Variants in LRRCC1 observed in about 807,000 individuals in gnomAD.
The protein encoded by LRRCC1 is leucine-rich repeat and coiled-coil domain-containing protein 1.
In LRRCC1, 115 loss-of-function variants were observed where a neutral mutation model predicts 126.0. That is an observed-to-expected ratio of 0.91 (90% confidence interval 0.78 to 1.07). The LOEUF is 1.07. Among genes scored for constraint, LRRCC1 ranks in the 50% least tolerant of loss-of-function variants. LRRCC1 has a pLI of 0.00. For missense variants in LRRCC1, 1,172 were observed against 1,175.7 expected (o/e 1.00, Z 0.05); for synonymous variants, 400 against 393.4 (o/e 1.02, Z -0.20).
chr8:85,112,892 C>A (rs1330372766), intron 3 of LRRCC1, 40 bp from the exon 4 acceptor site: 2 of 1,438,640 alleles, frequency 1.4e-6, no homozygotes, highest in Non-Finnish European at 9.4e-7. Context: ...ATTGGAAAGA[C>A]TATTGCTGTG....
At chr8:85,110,528 T>G (rs1489469345) in intron 3 of LRRCC1, among the ~76,000 whole-genome samples, 1 of 152,262 alleles carries the variant, frequency 6.6e-6, no homozygotes, top group African/African-American at 2.4e-5. Context: ...TGTTCTAATC[T>G]GTGCTGTTCA....
At chr8:85,145,126 T>TATATAC (rs746885117) in intron 18 of LRRCC1, among the ~76,000 whole-genome samples, 1 of 149,764 alleles carries the variant, frequency 6.7e-6, no homozygotes, top group Admixed American at 6.7e-5. Flanking sequence ...TGTATATATA[T>TATATAC]ATATATATAG....
At position 85,135,437 on chromosome 8, in the gene LRRCC1, G is replaced by A. The variant is rs534326283; in HGVS notation, c.2155-352G>A. Among the ~76,000 whole-genome samples the A allele has an allele frequency of 2.6e-5, 4 of 152,184 alleles. No homozygotes were observed. In the East Asian group the frequency reaches 7.7e-4, roughly 29 times the overall value. On this transcript the variant is annotated intron_variant, in intron 13 of 18. Coordinates refer to ENST00000360375, the MANE Select transcript of LRRCC1 (RefSeq NM_033402.5). The stretch of plus-strand genomic sequence containing the variant: ...TCATTAAATTAATGTCTTTATTGCT[G>A]TTGTCTCAATTTTAAACATTAATGC...
chr8:85,126,581 G>A, intron 8 of LRRCC1, 108 bp from the exon 9 acceptor site: 1 of 888,956 alleles, frequency 1.1e-6, no homozygotes, highest in Non-Finnish European at 1.7e-6. Context: ...TTTCACTGTA[G>A]CTCTTTGAAG....
chr8:85,112,406 C>G (rs1228487238), intron 3 of LRRCC1, among the ~76,000 whole-genome samples: 1 of 152,186 alleles, frequency 6.6e-6, no homozygotes. Flanking sequence ...ACAATTAGTA[C>G]TTGTCCATGA....
In LRRCC1 at chr8:85,126,795, A is replaced by T; in HGVS notation, c.1379A>T (p.Glu460Val). Residue 460 changes from glutamate to valine, a missense_variant, in exon 9 of 19, where the codon GAA (glutamate) becomes GTA (valine). Coordinates refer to ENST00000360375, the MANE Select transcript of LRRCC1 (RefSeq NM_033402.5). ...YIDELHKHAN[E>V]KEDIHSLALL... ...GATGAGCTGCATAAACATGCAAATG[A>T]AAAAGAGGATATTCATAGTCTGGCT... is the stretch of plus-strand genomic sequence containing the variant. The T allele has an allele frequency of 1.2e-6, 2 of 1,612,810 alleles. No homozygotes were observed. The highest frequency in any genetic ancestry group is 1.7e-6 in the Non-Finnish European group (2 of 1,179,828).
chr8:85,136,570 C>T (rs978561075), intron 14 of LRRCC1, among the ~76,000 whole-genome samples: 5 of 152,202 alleles, frequency 3.3e-5, no homozygotes, highest in South Asian at 2.1e-4. Context: ...CCACCGTACC[C>T]GGCCAAAAGT....
chr8:85,125,198 T>A (rs1163216301), intron 8 of LRRCC1, among the ~76,000 whole-genome samples: 1 of 152,232 alleles, frequency 6.6e-6, no homozygotes, highest in Non-Finnish European at 1.5e-5. Flanking sequence ...ATGAATTTTT[T>A]AATTCTTATT....
intron 9 of LRRCC1, among the ~76,000 whole-genome samples, chr8:85,127,692 G>A (rs1373998982): frequency 6.6e-6 from 1 of 152,142 alleles, no homozygotes; most frequent in African/African-American, 2.4e-5. Flanking sequence ...CCCACTGCAT[G>A]TTTCTCTGAT....
At chr8:85,109,445 G>A (rs1587359654) in intron 1 of LRRCC1, 150 bp from the exon 2 acceptor site, 2 of 584,710 alleles carry the variant, frequency 3.4e-6, no homozygotes, top group African/African-American at 1.9e-5. Flanking sequence ...ACCGTGTTTT[G>A]TGAGACATTT....
chr8:85,136,940 T>C (rs1444873090), intron 14 of LRRCC1, among the ~76,000 whole-genome samples: 1 of 152,150 alleles, frequency 6.6e-6, no homozygotes, highest in African/African-American at 2.4e-5. Context: ...TTCTCCTGCC[T>C]CATCCTCCCC....
At chr8:85,134,179 C>T (rs1166519851) in intron 12 of LRRCC1, among the ~76,000 whole-genome samples, 1 of 152,220 alleles carries the variant, frequency 6.6e-6, no homozygotes, top group Non-Finnish European at 1.5e-5. Flanking sequence ...ACTTCACACA[C>T]TTCACATCCT....
Position 85,113,065 on chromosome 8 carries a change from A to G in LRRCC1, c.510A>G (p.Lys170=), listed in dbSNP as rs1371331579. Residue 170 remains lysine, a synonymous_variant, in exon 4 of 19, where the codon AAA becomes AAG. Coordinates refer to ENST00000360375, the MANE Select transcript of LRRCC1 (RefSeq NM_033402.5). ...LHFLTNLILE[K]DGDDNPVCRL... Reference sequence around the variant, plus strand: ...TCCTGACCAATCTTATTTTGGAGAAAGATGGAGACGATAATCCTGTCTGTC... The same window carrying G: ...TCCTGACCAATCTTATTTTGGAGAAGGATGGAGACGATAATCCTGTCTGTC... 1.9e-6 allele frequency: 3 copies of G among 1,612,388 alleles called. No homozygotes were observed. Among genetic ancestry groups the G allele is most frequent in the East Asian group, 4.5e-5 (2 of 44,824 alleles).
rs200106693 is a variant in LRRCC1, at chr8:85,126,819, C to T, written c.1403C>T (p.Ala468Val). ...GAAAAAGAGGATATTCATAGTCTGG[C>T]TCTACTTACCACAGATAGGTAAAAA... ...ANEKEDIHSL[A>V]LLTTDRLKEI... The change falls in exon 9 of 19, where the codon GCT (alanine) becomes GTT (valine). Residue 468 changes from alanine to valine, a missense_variant. By Grantham distance (64) the Ala-to-Val change is moderately conservative. Transcript: ENST00000360375. 180 of 1,610,760 alleles carry T rather than the reference C, an allele frequency of 1.1e-4. No homozygotes were observed. The highest frequency in any genetic ancestry group is 3.3e-4 in the Middle Eastern group (2 of 6,076).
Position 85,117,941 on chromosome 8 carries a change from A to G in LRRCC1, c.930+2357A>G, listed in dbSNP as rs541988445. On this transcript the variant is annotated intron_variant, in intron 6 of 18. Transcript: ENST00000360375. ...TTTAATGTGAAATACAGGTCTGCAT[A>G]TTTCCTGAATTGAGAATACATATAT... 2.0e-5 allele frequency among the ~76,000 whole-genome samples: 3 copies of G among 152,236 alleles called. No homozygotes were observed. The South Asian group carries it at 6.2e-4, about 32-fold the overall frequency.
At chr8:85,121,037 A>G (rs1279978511) in intron 6 of LRRCC1, among the ~76,000 whole-genome samples, 1 of 152,170 alleles carries the variant, frequency 6.6e-6, no homozygotes, top group East Asian at 1.9e-4. Context: ...TAACTGCGCC[A>G]TTTTACATCT....
In LRRCC1 at chr8:85,131,789, C is replaced by G. The variant is rs748281604; in HGVS notation, c.1796C>G (p.Thr599Ser). The change falls in exon 12 of 19, where the codon ACT becomes AGT. Residue 599 changes from threonine (T) to serine (S), a missense_variant. Coordinates refer to ENST00000360375, the MANE Select transcript of LRRCC1 (RefSeq NM_033402.5). ...RKELETREFF[T>S]DADFQDALAK... ...GAACTTGAAACAAGGGAGTTTTTTA[C>G]TGATGCTGACTTCCAGGATGCCTTA... is the stretch of plus-strand genomic sequence containing the variant. 6.2e-7 allele frequency: 1 copy of G among 1,613,040 alleles called. No individual in the cohort carries two copies. The highest frequency in any genetic ancestry group is 8.5e-7 in the Non-Finnish European group (1 of 1,179,654).
At chr8:85,116,583 C>G (rs146617420) in intron 6 of LRRCC1, among the ~76,000 whole-genome samples, 92 of 152,062 alleles carry the variant, frequency 6.1e-4, no homozygotes, top group African/African-American at 2.0e-3. Flanking sequence ...CTTTGTTACC[C>G]AGGCTTTCTC....
chr8:85,123,700 A>C, intron 7 of LRRCC1, 94 bp downstream of exon 7: 2 of 938,312 alleles, frequency 2.1e-6, no homozygotes, highest in Non-Finnish European at 3.1e-6. Context: ...TTGTTACTTT[A>C]CTAATGTTGA....
Sources: allele counts gnomAD v4.1 joint callset (sites outside exome capture counted in the v4.1 genomes callset), GRCh38; gene constraint gnomAD v4.1.1; transcripts MANE v1.5; gene names NCBI Gene and HGNC (gene_info 2026-07-23, HGNC 2026-07-21).